NCALD: variants seen among roughly 807,000 people sequenced by gnomAD.
NCALD encodes neurocalcin-delta.
NCALD carries 10 observed loss-of-function variants against 18.6 expected under a neutral mutation model. The observed-to-expected ratio is 0.54, with a 90% CI of 0.33 to 0.91. NCALD has a LOEUF of 0.91. Among genes scored for constraint, NCALD ranks in the 40% least tolerant of loss-of-function variants. The pLI is 0.03. For synonymous variants in NCALD, 88 were observed against 87.4 expected (o/e 1.01, Z -0.04); for missense variants, 184 against 247.6 (o/e 0.74, Z 1.72).
At chr8:101,754,341 T>C (rs1810784836) in intron 1 of NCALD, among the ~76,000 whole-genome samples, 1 of 152,346 alleles carries the variant, frequency 6.6e-6, no homozygotes, top group Middle Eastern at 3.4e-3. Flanking sequence ...GGTATTGTCT[T>C]AGTCTATTGG....
intron 4 of NCALD, among the ~76,000 whole-genome samples, chr8:101,803,739 G>A (rs1367902657): frequency 1.8e-4 from 27 of 152,182 alleles, no homozygotes; most frequent in Admixed American, 1.7e-3. Flanking sequence ...GACTTCAGTG[G>A]AGGAAGTAAC....
chr8:101,832,258 G>GTC lies in NCALD; in HGVS notation c.-20+54881_-20+54882dup, dbSNP rs144721259. 8.6e-3 allele frequency among the ~76,000 whole-genome samples: 1,289 copies of GTC among 150,690 alleles called. 13 individuals are homozygous for GTC. Among genetic ancestry groups the GTC allele is most frequent in the African/African-American group, 0.028 (1,172 of 41,222 alleles). ...AACAACTCCCTCTCTCCCACTCTCT[G>GTC]TCTCTCTCTCTCTCTGCCATAAATC... On this transcript the variant is annotated intron_variant, in intron 4 of 6. Coordinates refer to the NCALD transcript ENST00000311028.
intron 1 of NCALD, among the ~76,000 whole-genome samples, chr8:102,058,971 TGA>T (rs1823749984): frequency 2.0e-5 from 3 of 152,182 alleles, no homozygotes; most frequent in Admixed American, 2.0e-4. Flanking sequence ...CTTTCTTGGC[TGA>T]AAAAGGCACA....
At chr8:102,085,719 A>T (rs1203790649) in intron 1 of NCALD, among the ~76,000 whole-genome samples, 1 of 150,996 alleles carries the variant, frequency 6.6e-6, no homozygotes, top group Non-Finnish European at 1.5e-5. Flanking sequence ...GCCACTGTGC[A>T]CTCCAGCCTG....
chr8:101,762,852 A>T (rs563652679), intron 1 of NCALD, among the ~76,000 whole-genome samples: 10 of 152,126 alleles, frequency 6.6e-5, no homozygotes, highest in Non-Finnish European at 1.5e-5. Flanking sequence ...GATTACAGGC[A>T]TGAGCCACCA....
intron 1 of NCALD, among the ~76,000 whole-genome samples, chr8:101,728,123 C>T (rs1345089127): frequency 1.3e-5 from 2 of 152,126 alleles, no homozygotes; most frequent in African/African-American, 4.8e-5. Context: ...AAAATAAGAA[C>T]TTAAGTTTCC....
intron 1 of NCALD, among the ~76,000 whole-genome samples, chr8:101,760,615 G>A (rs1225504386): frequency 1.3e-5 from 2 of 152,166 alleles, no homozygotes; most frequent in Non-Finnish European, 2.9e-5. Context: ...GAACCACAGC[G>A]CATAGGCTGT....
At chr8:102,020,793 T>G (rs1296995603) in intron 1 of NCALD, among the ~76,000 whole-genome samples, 1 of 152,150 alleles carries the variant, frequency 6.6e-6, no homozygotes, top group Non-Finnish European at 1.5e-5. Flanking sequence ...ACTTCATCAT[T>G]TAACATCTGC....
chr8:101,769,810 C>T (rs189104931), intron 1 of NCALD, among the ~76,000 whole-genome samples: 67 of 152,260 alleles, frequency 4.4e-4, no homozygotes, highest in Admixed American at 1.6e-3. Context: ...TGTGAAATCT[C>T]AAACAAAATT....
intron 1 of NCALD, among the ~76,000 whole-genome samples, chr8:102,064,895 GC>G (rs1823955133): frequency 6.6e-6 from 1 of 150,514 alleles, no homozygotes; most frequent in African/African-American, 2.5e-5. Context: ...ATCCACTCAT[GC>G]CCTTGCTCAT....
At chr8:101,800,538 A>G (rs1192554099) in intron 4 of NCALD, among the ~76,000 whole-genome samples, 1 of 152,054 alleles carries the variant, frequency 6.6e-6, no homozygotes, top group Non-Finnish European at 1.5e-5. Context: ...AATAATTACC[A>G]TAATATATAA....
At chr8:101,736,758 G>A (rs920698300) in intron 1 of NCALD, among the ~76,000 whole-genome samples, 1 of 152,150 alleles carries the variant, frequency 6.6e-6, no homozygotes, top group African/African-American at 2.4e-5. Flanking sequence ...GGCGGAATAA[G>A]AACAGACTCA....
chr8:101,755,892 T>G (rs995036464), intron 1 of NCALD, among the ~76,000 whole-genome samples: 15 of 152,314 alleles, frequency 9.8e-5, no homozygotes, highest in Non-Finnish European at 2.1e-4. Flanking sequence ...TGAAAACATA[T>G]AGTGGTGACA....
intron 1 of NCALD, among the ~76,000 whole-genome samples, chr8:102,112,197 T>C (rs900595549): frequency 3.9e-5 from 6 of 152,208 alleles, no homozygotes; most frequent in African/African-American, 1.2e-4. Context: ...AGCACTTCTA[T>C]TGGTGAGATG....
At chr8:101,717,566 C>G (rs1319721285) in intron 2 of NCALD, among the ~76,000 whole-genome samples, 3 of 152,098 alleles carry the variant, frequency 2.0e-5, no homozygotes, top group Admixed American at 2.0e-4. Flanking sequence ...TCTCCTGGTC[C>G]ACAGCTTGCC....
At chr8:101,839,028 G>C (rs1447161554) in intron 4 of NCALD, among the ~76,000 whole-genome samples, 1 of 152,212 alleles carries the variant, frequency 6.6e-6, no homozygotes, top group African/African-American at 2.4e-5. Flanking sequence ...GAATACCATA[G>C]TAACAATAAG....
intron 2 of NCALD, among the ~76,000 whole-genome samples, chr8:101,988,250 A>T (rs1748787741): frequency 6.6e-6 from 1 of 152,146 alleles, no homozygotes; most frequent in South Asian, 2.1e-4. Flanking sequence ...TTCTTGCTCT[A>T]CATTTTGACA....
At chr8:102,059,359 T>A (rs1823762335) in intron 1 of NCALD, among the ~76,000 whole-genome samples, 2 of 152,216 alleles carry the variant, frequency 1.3e-5, no homozygotes, top group Non-Finnish European at 2.9e-5. Flanking sequence ...TAAACAGAAC[T>A]CCATCATCTC....
chr8:102,104,208 A>G (rs1207805084), intron 1 of NCALD, among the ~76,000 whole-genome samples: 1 of 152,226 alleles, frequency 6.6e-6, no homozygotes, highest in Non-Finnish European at 1.5e-5. Flanking sequence ...GTGAGTATTA[A>G]GATCATCGAT....
Sources: allele counts gnomAD v4.1 joint callset (sites outside exome capture counted in the v4.1 genomes callset), GRCh38; gene constraint gnomAD v4.1.1; transcripts MANE v1.5; gene names NCBI Gene and HGNC (gene_info 2026-07-23, HGNC 2026-07-21).